Variants in TTC39A observed in about 807,000 individuals in gnomAD.
The protein encoded by TTC39A is tetratricopeptide repeat protein 39A.
TTC39A carries 46 observed loss-of-function variants against 82.3 expected under a neutral mutation model. The ratio of observed to expected loss-of-function variants is 0.56; its 90% confidence interval spans 0.44 to 0.71. The LOEUF is 0.71. Ranked by LOEUF, TTC39A falls within the 30% of genes least tolerant of loss-of-function variation. TTC39A has a pLI of 0.00. For missense variants in TTC39A, 543 were observed against 712.9 expected (o/e 0.76, Z 2.71); for synonymous variants, 254 against 275.2 (o/e 0.92, Z 0.76).
chr1:51,336,372 C>T (rs1645975096), intron 1 of TTC39A, among the ~76,000 whole-genome samples: 1 of 152,080 alleles, frequency 6.6e-6, no homozygotes, highest in Admixed American at 6.6e-5. Context: ...TTTCCTCTTC[C>T]CACCAGATAT....
intron 1 of TTC39A, among the ~76,000 whole-genome samples, chr1:51,324,757 G>A (rs1462320664): frequency 3.3e-5 from 5 of 151,694 alleles, no homozygotes; most frequent in Admixed American, 2.6e-4. Context: ...CTCCTCAGGT[G>A]TTTGACCTCA....
chr1:51,307,460 G>A (rs533957422), intron 6 of TTC39A, among the ~76,000 whole-genome samples: 73 of 152,252 alleles, frequency 4.8e-4, no homozygotes, highest in South Asian at 1.0e-3. Flanking sequence ...TAGGCCAGGC[G>A]TGGTGGCTCA....
In TTC39A at chr1:51,309,128, C is replaced by A; in HGVS notation, c.488+133G>T. 1.9e-6 allele frequency: 2 copies of A among 1,069,704 alleles called. 1 individual carries two copies. Among genetic ancestry groups the A allele is most frequent in the South Asian group, 3.9e-5 (2 of 51,320 alleles). The allele number at this position is 1,069,704 out of a possible 1,614,324, so 66.3% of individuals were successfully genotyped here. A position where few individuals can be genotyped will look rare whatever the true frequency, so the allele number is the denominator to read the frequency against. ...GAGGTCCTGAGGGCATGGAAATCAG[C>A]CTGCAACAGCAGTCTACTAGGTTCT... On this transcript the variant is annotated intron_variant, in intron 6 of 17. Transcript: ENST00000680483.
intron 5 of TTC39A, 136 bp from the exon 6 acceptor site, chr1:51,309,461 C>G: frequency 4.0e-6 from 6 of 1,514,298 alleles, no homozygotes; most frequent in Non-Finnish European, 5.3e-6. Flanking sequence ...GTCAGCCAAA[C>G]CAGGCCTCCC....
chr1:51,326,286 C>G (rs765372544), intron 1 of TTC39A, among the ~76,000 whole-genome samples: 16 of 152,068 alleles, frequency 1.1e-4, no homozygotes, highest in Non-Finnish European at 2.2e-4. Flanking sequence ...AGGATGGCAT[C>G]AAGGAAAATG....
chr1:51,322,147 G>T, intron 1 of TTC39A: 1 of 1,550,614 alleles, frequency 6.4e-7, no homozygotes. Context: ...AGTCTTTGTG[G>T]CCCTTCTGGC....
intron 5 of TTC39A, 123 bp downstream of exon 5, chr1:51,311,131 C>A: frequency 1.1e-6 from 1 of 911,640 alleles, no homozygotes; most frequent in Non-Finnish European, 1.6e-6. Context: ...ACGATTGCTA[C>A]AGGGGATGAG....
chr1:51,289,049 G>T, intron 16 of TTC39A, 94 bp from the exon 17 acceptor site: 1 of 1,153,728 alleles, frequency 8.7e-7, no homozygotes, highest in Non-Finnish European at 1.3e-6. Context: ...ATTTTGGGAG[G>T]TTCCCACTAC....
Position 51,306,056 on chromosome 1 carries a change from T to C in TTC39A, c.509A>G (p.Gln170Arg). 6.2e-7 allele frequency: 1 copy of C among 1,613,934 alleles called. No individual in the cohort carries two copies. Among genetic ancestry groups the C allele is most frequent in the East Asian group, 2.2e-5 (1 of 44,876 alleles). The change falls in exon 7 of 18, where the codon CAG (glutamine) becomes CGG (arginine). Residue 170 changes from glutamine (Q) to arginine (R), a missense_variant. Coordinates refer to ENST00000680483, the MANE Select transcript of TTC39A (RefSeq NM_001297663.2). ...QTYKELDSLV[Q>R]SSQYCKGENH... ...CTCACCCTTGCAGTATTGTGAGGAC[T>C]GAACAAGGCTGTCCAGCTCCCTGCA...
At chr1:51,343,867 G>T (rs921710671) in intron 1 of TTC39A, among the ~76,000 whole-genome samples, 59 of 152,144 alleles carry the variant, frequency 3.9e-4, no homozygotes, top group Admixed American at 3.9e-3. Flanking sequence ...CGATCCTCCC[G>T]CTGGGATTAC....
At chr1:51,327,239 G>A (rs985203736) in intron 1 of TTC39A, among the ~76,000 whole-genome samples, 5 of 152,294 alleles carry the variant, frequency 3.3e-5, no homozygotes, top group Middle Eastern at 3.4e-3. Context: ...GCGGCGGAGC[G>A]GTCGCTCAGG....
intron 2 of TTC39A, among the ~76,000 whole-genome samples, chr1:51,318,796 C>T (rs531081356): frequency 1.3e-5 from 2 of 152,254 alleles, no homozygotes; most frequent in East Asian, 1.9e-4. Flanking sequence ...TAAGCCATCC[C>T]GGGTGCTGAC....
chr1:51,333,350 A>T (rs1187531388), upstream of TTC39A, among the ~76,000 whole-genome samples: 1 of 152,254 alleles, frequency 6.6e-6, no homozygotes, highest in Non-Finnish European at 1.5e-5. Context: ...CAAATATTCC[A>T]AAATCCATGA....
rs113478994 is a variant in TTC39A, at chr1:51,337,520, G to A, written c.53+7471C>T. 7.9e-3 allele frequency among the ~76,000 whole-genome samples: 1,169 copies of A among 147,964 alleles called. 12 individuals are homozygous for A. The highest frequency in any genetic ancestry group is 0.028 in the African/African-American group (1,123 of 39,798). ...CGGCCCACTGCAACCTCAGCCTCCC[G>A]GGTTCAAGTGGTTCTCCTGCCTCAG... is the stretch of plus-strand genomic sequence containing the variant. On this transcript the variant is annotated intron_variant, in intron 1 of 5. Transcript: ENST00000401051.
chr1:51,294,100 G>A lies in TTC39A; in HGVS notation c.1266+291C>T, dbSNP rs1644321480. On this transcript the variant is annotated intron_variant, in intron 14 of 17. Transcript: ENST00000680483. This position sits in a 1 kb window ranked among gnomAD's most constrained non-coding sequence, Gnocchi z 4.3. Reference sequence around the variant, plus strand: ...TGGAGCAGACAGGCTGGGATCACTGGCAGCCGGGTGATGCCGCTGCCTGGG... The same window carrying A: ...TGGAGCAGACAGGCTGGGATCACTGACAGCCGGGTGATGCCGCTGCCTGGG... Among the ~76,000 whole-genome samples, 1 of 152,216 alleles carries A rather than the reference G, an allele frequency of 6.6e-6. No individual in the cohort carries two copies. The highest frequency in any genetic ancestry group is 1.5e-5 in the Non-Finnish European group (1 of 68,036).
At chr1:51,315,650 C>T (rs1034267695) in intron 2 of TTC39A, among the ~76,000 whole-genome samples, 1 of 152,216 alleles carries the variant, frequency 6.6e-6, no homozygotes, top group Non-Finnish European at 1.5e-5. Flanking sequence ...ATCCCCAGTC[C>T]GCTGTCCATC....
chr1:51,317,070 T>C (rs1000554617), intron 2 of TTC39A, among the ~76,000 whole-genome samples: 4 of 152,162 alleles, frequency 2.6e-5, no homozygotes, highest in African/African-American at 9.7e-5. Context: ...GAGACAATGC[T>C]ACTCAAAGGC....
chr1:51,297,033 G>C (rs1239461619), intron 12 of TTC39A, among the ~76,000 whole-genome samples: 5 of 152,236 alleles, frequency 3.3e-5, no homozygotes. Context: ...GGCTAAGAAA[G>C]GGTGGAAAGG....
intron 2 of TTC39A, among the ~76,000 whole-genome samples, chr1:51,313,251 G>C (rs1284201110): frequency 1.3e-5 from 2 of 152,068 alleles, no homozygotes; most frequent in Non-Finnish European, 1.5e-5. Flanking sequence ...AAAGGGTTTA[G>C]TGCATGTCGG....
Sources: gnomAD v4.1 joint callset for allele counts (sites outside exome capture counted in the v4.1 genomes callset) on GRCh38, gnomAD v4.1.1 for gene constraint, Gnocchi (gnomAD v3.1) non-coding constraint, MANE v1.5 for transcripts, NCBI Gene and HGNC (gene_info 2026-07-23, HGNC 2026-07-21) for gene names.